LCN12: variants seen among roughly 807,000 people sequenced by gnomAD.
LCN12 encodes epididymal-specific lipocalin-12.
Under a neutral mutation model 23.7 loss-of-function variants are expected in LCN12, and 15 were observed. That is an observed-to-expected ratio of 0.63 (90% CI 0.42 to 0.97). The LOEUF is 0.97. LCN12 is among the 50% of genes least tolerant of loss of function. LCN12 has a pLI of 0.00. For missense variants in LCN12, 219 were observed against 249.6 expected (o/e 0.88, Z 0.83); for synonymous variants, 116 against 111.5 (o/e 1.04, Z -0.25).
Position 136,953,980 on chromosome 9 carries a change from C to T in LCN12, c.448+16C>T, listed in dbSNP as rs780379148. 26 of 1,604,950 alleles carry T rather than the reference C, an allele frequency of 1.6e-5. No individual in the cohort carries two copies. Among genetic ancestry groups the T allele is most frequent in the South Asian group, 1.3e-4 (12 of 90,536 alleles). ...AGCCTGCTGGGTGAGCCTCCCACCC[C>T]GTCCTGGGCCCGTGTGTGGCCCTGG... On this transcript the variant is annotated intron_variant, in intron 4 of 5. Coordinates refer to ENST00000371633, the MANE Select transcript of LCN12 (RefSeq NM_178536.4).
rs947178815 is a variant in LCN12 at position 136,953,122 on chromosome 9, C to A, written c.251+94C>A. 6.6e-6 allele frequency: 10 copies of A among 1,508,432 alleles called. No individual in the cohort carries two copies. In the African/African-American group the frequency reaches 1.2e-4, roughly 19 times the overall value. The allele number at this position is 1,508,432 out of a possible 1,614,324, so 93.4% of individuals were successfully genotyped here. The stretch of plus-strand genomic sequence containing the variant: ...GCTCAGGTGCGCCATGGGCCCTGTC[C>A]CAGCACAGGCAGCTTCATGACTCTG... On this transcript the variant is annotated intron_variant, in intron 2 of 5. Coordinates refer to ENST00000371633, the MANE Select transcript of LCN12 (RefSeq NM_178536.4).
At chr9:136,951,047 G>A (rs1338949256), upstream of LCN12, among the ~76,000 whole-genome samples, 1 of 141,918 alleles carries the variant, frequency 7.0e-6, no homozygotes, top group African/African-American at 2.5e-5. Context: ...AGGCTCACAG[G>A]CCAGGCACAC....
upstream of LCN12, among the ~76,000 whole-genome samples, chr9:136,950,684 C>T (rs1295946229): frequency 2.0e-5 from 3 of 152,212 alleles, no homozygotes; most frequent in African/African-American, 7.2e-5. Context: ...TCGAAGGCGC[C>T]TTGGGGAGTT....
chr9:136,954,504 C>G (rs567565708), intron 5 of LCN12: 2 of 568,414 alleles, frequency 3.5e-6, no homozygotes, highest in South Asian at 3.6e-5. Context: ...CCACCTCCTC[C>G]CGCCCCAGGT....
chr9:136,953,717 C>T lies in LCN12; in HGVS notation c.269C>T (p.Thr90Ile). 3 of 1,599,160 alleles carry T rather than the reference C, an allele frequency of 1.9e-6. No individual in the cohort carries two copies. In the South Asian group the frequency reaches 3.4e-5, roughly 18 times the overall value. Residue 90 changes from threonine to isoleucine, a missense_variant, in exon 3 of 6, where the codon ACA becomes ATA. Physicochemically the swap from Thr to Ile is moderately conservative, Grantham distance 89. Transcript: ENST00000371633. Reference sequence around the variant, plus strand: ...TCCTACAGAGGCCAGCACTGTGACACATGGTCTTATGTGCTGATACCGGCA... The same window carrying T: ...TCCTACAGAGGCCAGCACTGTGACATATGGTCTTATGTGCTGATACCGGCA... ...NAMTRGQHCD[T>I]WSYVLIPAAQ...
chr9:136,955,863 G>T (rs554094026), downstream of LCN12, among the ~76,000 whole-genome samples: 398 of 152,262 alleles, frequency 2.6e-3, 4 homozygotes, highest in African/African-American at 9.4e-3. Flanking sequence ...CTCAGACCCC[G>T]AGCTGTCCCA....
At chr9:136,953,376 GCGGTCGCGC>G in intron 2 of LCN12, 1 of 94,458 alleles carries the variant, frequency 1.1e-5, no homozygotes, top group Non-Finnish European at 2.0e-5. Flanking sequence ...GGGGCCGGGC[GCGGTCGCGC>G]ACACCTGTAA....
At chr9:136,953,588 A>G in intron 2 of LCN12, 112 bp from the exon 3 acceptor site, 1 of 720,382 alleles carries the variant, frequency 1.4e-6, no homozygotes. Flanking sequence ...ACGCTTGGCC[A>G]CTCCCGCCGT....
intron 5 of LCN12, 131 bp downstream of exon 5, chr9:136,954,386 T>G (rs1851261861): frequency 9.5e-7 from 1 of 1,057,980 alleles, no homozygotes; most frequent in African/African-American, 1.6e-5. Context: ...CTCAGGGGTC[T>G]CCAGGCTCCT....
At chr9:136,956,119 C>G (rs1247615762), downstream of LCN12, among the ~76,000 whole-genome samples, 1 of 152,142 alleles carries the variant, frequency 6.6e-6, no homozygotes, top group East Asian at 1.9e-4. Context: ...ACGCCCACCC[C>G]CACCGGCCAG....
intron 1 of LCN12, 125 bp downstream of exon 1, chr9:136,952,566 C>T: frequency 1.4e-6 from 1 of 725,604 alleles, no homozygotes; most frequent in Non-Finnish European, 2.3e-6. Flanking sequence ...CAGGAGCCCC[C>T]AGGCGGGCCC....
At chr9:136,955,023 C>T (rs1020842779) in intron 5 of LCN12, 79 of 1,376,668 alleles carry the variant, frequency 5.7e-5, no homozygotes, top group Middle Eastern at 2.8e-4. Flanking sequence ...GCTGTCTACC[C>T]GTGCACAGGC....
Position 136,952,360 on chromosome 9 carries a change from C to G in LCN12, c.33C>G (p.Leu11=), listed in dbSNP as rs368512013. 7 of 1,611,618 alleles carry G rather than the reference C, an allele frequency of 4.3e-6. No individual in the cohort carries two copies. The highest frequency in any genetic ancestry group is 5.9e-6 in the Non-Finnish European group (7 of 1,179,342). MRLLCGLWLW[L]SLLKVLQAQT... ...TGCTGTGTGGCCTGTGGCTGTGGCT[C>G]TCCTTGCTGAAAGTCCTGCAGGCCC... is the stretch of plus-strand genomic sequence containing the variant. The change falls in exon 1 of 6, where the codon CTC becomes CTG. Residue 11 remains leucine (L), a synonymous_variant. Transcript: ENST00000371633.
intron 5 of LCN12, 89 bp from the exon 6 acceptor site, chr9:136,955,282 C>T (rs779509198): frequency 2.9e-5 from 45 of 1,547,552 alleles, no homozygotes; most frequent in Non-Finnish European, 3.9e-5. Context: ...AAGCCACCTG[C>T]CCCTCCTTTG....
chr9:136,954,155 C>G lies in LCN12; in HGVS notation c.450C>G (p.Gly150=), dbSNP rs761686502. The G allele has an allele frequency of 6.4e-7, 1 of 1,552,470 alleles. No individual in the cohort carries two copies. Among genetic ancestry groups the G allele is most frequent in the Admixed American group, 1.9e-5 (1 of 52,422 alleles). The change falls in exon 5 of 6, where the codon GGC becomes GGG. Residue 150 remains glycine, a splice_region_variant and synonymous_variant. Coordinates refer to ENST00000371633, the MANE Select transcript of LCN12 (RefSeq NM_178536.4). ...CATGCTGGGCTCCCTGGGCTGCAGG[C>G]AGGAGCTGGTTGCTGCCTCCCGGGA... ...RLAVLRISLL[G]RSWLLPPGTL... is the part of the protein sequence containing the mutation.
At chr9:136,950,511 C>T (rs1432087093), upstream of LCN12, among the ~76,000 whole-genome samples, 2 of 152,182 alleles carry the variant, frequency 1.3e-5, no homozygotes, top group Non-Finnish European at 2.9e-5. Flanking sequence ...GGGTCCGTAG[C>T]GGGGACTGTC....
upstream of LCN12, among the ~76,000 whole-genome samples, chr9:136,950,033 C>G (rs912602263): frequency 3.3e-5 from 5 of 152,336 alleles, no homozygotes; most frequent in Non-Finnish European, 2.9e-5. Flanking sequence ...AGGACTCCCC[C>G]GGGAGCCCCG....
intron 5 of LCN12, chr9:136,954,917 C>T: frequency 2.4e-6 from 3 of 1,230,706 alleles, no homozygotes; most frequent in Non-Finnish European, 3.1e-6. Context: ...TAACCACATG[C>T]ACACACACTC....
chr9:136,949,275 T>C (rs375674811), upstream of LCN12, among the ~76,000 whole-genome samples: 24 of 152,328 alleles, frequency 1.6e-4, no homozygotes, highest in African/African-American at 4.6e-4. Flanking sequence ...TAACATTTAA[T>C]TGTTAGCAGT....
Sources: gnomAD v4.1 joint callset for allele counts (sites outside exome capture counted in the v4.1 genomes callset) on GRCh38, gnomAD v4.1.1 for gene constraint, MANE v1.5 for transcripts, NCBI Gene and HGNC (gene_info 2026-07-23, HGNC 2026-07-21) for gene names.